Variants in MED12L observed in about 807,000 individuals in gnomAD.
The protein encoded by MED12L is mediator complex subunit 12L, also known as mediator of RNA polymerase II transcription subunit 12-like protein.
A neutral mutation model predicts 281.3 loss-of-function variants in MED12L; 60 were observed. The ratio of observed to expected loss-of-function variants is 0.21; its 90% CI spans 0.17 to 0.26. The LOEUF is 0.26. Ranked by LOEUF, MED12L falls within the 10% of genes least tolerant of loss-of-function variation. The pLI, the probability that MED12L is intolerant of heterozygous loss-of-function variation, is 1.00. For synonymous variants in MED12L, 974 were observed against 987.2 expected (o/e 0.99, Z 0.25); for missense variants, 2,146 against 2,680.9 (o/e 0.80, Z 4.41).
At chr3:151,401,918 G>A (rs1715729760) in intron 39 of MED12L, among the ~76,000 whole-genome samples, 1 of 152,080 alleles carries the variant, frequency 6.6e-6, no homozygotes, top group Admixed American at 6.6e-5. Context: ...GATTTTATTT[G>A]CTAAAATTAT....
chr3:151,166,045 C>T (rs1720675514), intron 11 of MED12L, 63 bp downstream of exon 11: 3 of 1,448,250 alleles, frequency 2.1e-6, no homozygotes, highest in Admixed American at 2.0e-5. Context: ...TCTTCTTTCT[C>T]ATTCAGGAAA....
intron 16 of MED12L, among the ~76,000 whole-genome samples, chr3:151,285,585 C>T (rs946872343): frequency 5.3e-5 from 8 of 151,864 alleles, no homozygotes; most frequent in Admixed American, 1.3e-4. Context: ...GTACATTGTA[C>T]ACTGCTTGGG....
intron 16 of MED12L, among the ~76,000 whole-genome samples, chr3:151,301,874 C>G (rs548170042): frequency 5.9e-5 from 9 of 152,330 alleles, no homozygotes; most frequent in African/African-American, 2.2e-4. Context: ...TCAAATGTAT[C>G]ATATGACCCA....
chr3:151,302,584 A>C (rs571081975), intron 16 of MED12L, among the ~76,000 whole-genome samples: 1 of 152,286 alleles, frequency 6.6e-6, no homozygotes, highest in East Asian at 1.9e-4. Context: ...GCCTAAATTA[A>C]AGTCAAGATC....
chr3:151,146,980 C>T (rs1717840621), intron 5 of MED12L, among the ~76,000 whole-genome samples: 1 of 152,206 alleles, frequency 6.6e-6, no homozygotes, highest in Non-Finnish European at 1.5e-5. Context: ...AATCAGTGCA[C>T]TGACTACTTT....
intron 16 of MED12L, among the ~76,000 whole-genome samples, chr3:151,325,971 A>C (rs1749544101): frequency 6.6e-6 from 1 of 152,220 alleles, no homozygotes; most frequent in African/African-American, 2.4e-5. Context: ...CTTTTATCAG[A>C]GAGAATGAAG....
chr3:151,102,534 A>G (rs1560046870), intron 2 of MED12L, among the ~76,000 whole-genome samples: 1 of 152,262 alleles, frequency 6.6e-6, no homozygotes, highest in South Asian at 2.1e-4. Context: ...CAGAAGAAGG[A>G]TGTTCTGCAG....
intron 11 of MED12L, among the ~76,000 whole-genome samples, chr3:151,180,847 A>G (rs1017348): frequency 0.76 from 116,087 of 152,162 alleles, 44,502 homozygotes; most frequent in Non-Finnish European, 0.8. Context: ...TTCAGTGCAC[A>G]GTATACACAT....
chr3:151,312,587 A>C (rs757176823), intron 16 of MED12L, among the ~76,000 whole-genome samples: 36 of 152,274 alleles, frequency 2.4e-4, no homozygotes, highest in Non-Finnish European at 4.1e-4. Context: ...AGAGACAGTA[A>C]TATCTTTGAC....
chr3:151,093,183 G>T (rs549858911), intron 2 of MED12L, among the ~76,000 whole-genome samples: 1 of 152,098 alleles, frequency 6.6e-6, no homozygotes, highest in Non-Finnish European at 1.5e-5. Context: ...GCACACCTGC[G>T]GTCCCAGCTA....
At chr3:151,156,016 T>C (rs1719228360) in intron 5 of MED12L, 145 bp from the exon 6 acceptor site, 1 of 666,962 alleles carries the variant, frequency 1.5e-6, no homozygotes, top group African/African-American at 1.9e-5. Context: ...TTCTGAGCAC[T>C]GCTTGTACAG....
chr3:151,230,079 C>T (rs562105662), intron 16 of MED12L, among the ~76,000 whole-genome samples: 4 of 152,286 alleles, frequency 2.6e-5, no homozygotes, highest in Non-Finnish European at 5.9e-5. Flanking sequence ...ACGCCATTCT[C>T]CCGCCTCTGC....
chr3:151,156,028 C>A (rs1340940903), intron 5 of MED12L, 133 bp from the exon 6 acceptor site: 3 of 743,982 alleles, frequency 4.0e-6, no homozygotes, highest in Non-Finnish European at 6.2e-6. Flanking sequence ...CTTGTACAGG[C>A]ACAGATCATT....
At position 151,387,991 on chromosome 3, in the gene MED12L, G is replaced by C; in HGVS notation, c.5270G>C (p.Ser1757Thr). The change falls in exon 37 of 45, where the codon AGT becomes ACT. Residue 1757 changes from serine (S) to threonine (T), a missense_variant. By Grantham distance (58) the Ser-to-Thr change is moderately conservative. Transcript: ENST00000687756. The stretch of plus-strand genomic sequence containing the variant: ...ACACACCCCATGCCCAAGCCCCGCA[G>C]TTACTACCTCCAGCCACTGCCCCTG... Reference protein sequence around the residue: ...YHTHPMPKPRSYYLQPLPLPP... With the variant: ...YHTHPMPKPRTYYLQPLPLPP... The C allele has an allele frequency of 6.2e-7, 1 of 1,614,032 alleles. No homozygotes were observed. Among genetic ancestry groups the C allele is most frequent in the Non-Finnish European group, 8.5e-7 (1 of 1,180,008 alleles).
chr3:151,187,725 G>A (rs976360688), intron 12 of MED12L, among the ~76,000 whole-genome samples: 7 of 152,216 alleles, frequency 4.6e-5, no homozygotes, highest in Admixed American at 3.9e-4. Context: ...TCTTATTGGC[G>A]GAATGTGATG....
At chr3:151,269,516 C>T (rs1260269538) in intron 16 of MED12L, 1 of 285,328 alleles carries the variant, frequency 3.5e-6, no homozygotes, top group Non-Finnish European at 6.8e-6. Flanking sequence ...ATTCTGCCAA[C>T]CATTTTTTGG....
rs1467045897 is a variant in MED12L at position 151,380,164 on chromosome 3, T to C, written c.4530T>C (p.Leu1510=). 2 of 1,610,148 alleles carry C rather than the reference T, an allele frequency of 1.2e-6. No individual in the cohort carries two copies. Among genetic ancestry groups the C allele is most frequent in the South Asian group, 2.2e-5 (2 of 90,526 alleles). ...QPFLSLVLTC[L]KGQDEQREGL... is the part of the protein sequence containing the mutation. ...TCCTCTCACTGGTACTTACCTGCCTTAAGGGACAAGATGAACAAAGGGAAG... is the reference window on the plus strand; with the variant it reads ...TCCTCTCACTGGTACTTACCTGCCTCAAGGGACAAGATGAACAAAGGGAAG... Residue 1510 remains leucine (L), a synonymous_variant, in exon 32 of 45, where the codon CTT becomes CTC. Transcript: ENST00000687756.
At chr3:151,421,066 G>A (rs577136760) in intron 43 of MED12L, among the ~76,000 whole-genome samples, 21 of 152,312 alleles carry the variant, frequency 1.4e-4, no homozygotes, top group East Asian at 3.9e-4. Context: ...AGTGGTGGCC[G>A]TAGCCAGGTC....
At chr3:151,311,552 T>C (rs747061323) in intron 16 of MED12L, among the ~76,000 whole-genome samples, 7 of 152,206 alleles carry the variant, frequency 4.6e-5, no homozygotes, top group Non-Finnish European at 1.0e-4. Flanking sequence ...TGTACCGTTT[T>C]GACCTAATGC....
Sources: gnomAD v4.1 joint callset for allele counts (sites outside exome capture counted in the v4.1 genomes callset) on GRCh38, gnomAD v4.1.1 for gene constraint, MANE v1.5 for transcripts, NCBI Gene and HGNC (gene_info 2026-07-23, HGNC 2026-07-21) for gene names.